Variants in NCMAP observed in about 807,000 individuals in gnomAD.
NCMAP encodes non-compact myelin associated protein, also known as noncompact myelin-associated protein.
Under a neutral mutation model 7.8 loss-of-function variants are expected in NCMAP, and 8 were observed. The observed-to-expected ratio is 1.02, with a 90% CI of 0.60 to 1.84. The LOEUF (loss-of-function observed/expected upper bound fraction) is 1.84, where lower values mean the gene tolerates loss of function less well. Ranked by LOEUF, NCMAP falls within the 40% of genes most tolerant of loss-of-function variation. The pLI, the probability that NCMAP is intolerant of heterozygous loss-of-function variation, is 0.00. For missense variants in NCMAP, 112 were observed against 131.4 expected, an observed-to-expected ratio of 0.85 and a Z score of 0.72; for synonymous variants, 41 against 52.9, an observed-to-expected ratio of 0.78 and a Z score of 0.98.
chr1:24,601,121 C>A, intron 3 of NCMAP, 97 bp downstream of exon 3: 1 of 928,712 alleles, frequency 1.1e-6, no homozygotes, highest in Non-Finnish European at 1.8e-6. Flanking sequence ...GTGTGCCTGG[C>A]AGTATCCCTC....
At chr1:24,564,521 AAAAAAAAAAAAC>A (rs1379321856) in intron 1 of NCMAP, among the ~76,000 whole-genome samples, 2 of 148,038 alleles carry the variant, frequency 1.4e-5, no homozygotes, top group Non-Finnish European at 3.0e-5. Context: ...CTCAAAAAAA[AAAAAAAAAAAAC>A]AAAAAAAAAC....
chr1:24,573,595 AAAAAG>A (rs1651450989), intron 1 of NCMAP, among the ~76,000 whole-genome samples: 1 of 145,116 alleles, frequency 6.9e-6, no homozygotes, highest in African/African-American at 2.8e-5. Flanking sequence ...CCCCCCTACA[AAAAAG>A]AAACAAAAAC....
intron 3 of NCMAP, 106 bp from the exon 4 acceptor site, chr1:24,605,500 T>C (rs1425686641): frequency 7.9e-7 from 1 of 1,262,288 alleles, no homozygotes; most frequent in Non-Finnish European, 1.1e-6. Context: ...ATTTAATGTC[T>C]ACATTAATCT....
intron 1 of NCMAP, among the ~76,000 whole-genome samples, chr1:24,578,245 CA>C (rs35145959): frequency 0.039 from 4,541 of 116,244 alleles, 93 homozygotes; most frequent in Middle Eastern, 0.13. Flanking sequence ...GACACTGTCT[CA>C]AAAAAAAAAA....
At chr1:24,594,011 C>G (rs2148935289) in intron 1 of NCMAP, among the ~76,000 whole-genome samples, 1 of 151,988 alleles carries the variant, frequency 6.6e-6, no homozygotes, top group Admixed American at 6.6e-5. Flanking sequence ...CCTGCCTCAG[C>G]CTCCCGAGTA....
intron 1 of NCMAP, among the ~76,000 whole-genome samples, chr1:24,588,084 T>C (rs915062755): frequency 7.9e-5 from 12 of 151,848 alleles, no homozygotes; most frequent in Admixed American, 5.2e-4. Context: ...CAATTTTCTT[T>C]TCCTTTTAAT....
Position 24,605,885 on chromosome 1 carries a change from G to A in NCMAP, c.*138G>A. 1 of 1,033,656 alleles carries A rather than the reference G, an allele frequency of 9.7e-7. No individual in the cohort carries two copies. The allele number at this position is 1,033,656 out of a possible 1,614,324, so 64.0% of individuals were successfully genotyped here. A position where few individuals can be genotyped will look rare whatever the true frequency, so the allele number is the denominator to read the frequency against. On this transcript the variant is annotated 3_prime_UTR_variant, in exon 4 of 4. Transcript: ENST00000374392. ...AGACATCTTTGACGCAATCTCTGAT[G>A]CTTCCAGCAATCCTCAACCTTGTCT... is the stretch of plus-strand genomic sequence containing the variant.
intron 2 of NCMAP, among the ~76,000 whole-genome samples, chr1:24,596,567 C>G (rs936954029): frequency 5.3e-5 from 8 of 151,952 alleles, no homozygotes; most frequent in African/African-American, 1.9e-4. Flanking sequence ...TCCTGGAGTC[C>G]CAGCTACACG....
intron 1 of NCMAP, among the ~76,000 whole-genome samples, chr1:24,584,138 C>T (rs1427494056): frequency 6.6e-6 from 1 of 152,188 alleles, no homozygotes; most frequent in Admixed American, 6.5e-5. Flanking sequence ...TGCCCTCCCC[C>T]CGCCCCACAG....
chr1:24,583,586 C>G (rs1237980065), intron 1 of NCMAP, among the ~76,000 whole-genome samples: 4 of 151,922 alleles, frequency 2.6e-5, no homozygotes, highest in Non-Finnish European at 5.9e-5. Flanking sequence ...TGTGGTGGCG[C>G]ACATCTGTAA....
chr1:24,577,232 G>T (rs1414481240), intron 1 of NCMAP, among the ~76,000 whole-genome samples: 1 of 152,024 alleles, frequency 6.6e-6, no homozygotes, highest in Non-Finnish European at 1.5e-5. Flanking sequence ...TTAAAATGCA[G>T]ATACTCCCAG....
chr1:24,605,566 A>G (rs1187408064), intron 3 of NCMAP, 40 bp from the exon 4 acceptor site: 1 of 1,602,858 alleles, frequency 6.2e-7, no homozygotes, highest in South Asian at 1.1e-5. Context: ...GCGGCATACC[A>G]GGGGAAAGAC....
chr1:24,594,540 G>A (rs934096939), intron 1 of NCMAP, among the ~76,000 whole-genome samples: 2 of 152,160 alleles, frequency 1.3e-5, no homozygotes, highest in African/African-American at 4.8e-5. Flanking sequence ...CTGAGACAGA[G>A]CCTGGTACAT....
Position 24,576,100 on chromosome 1 carries a change from C to T in NCMAP, c.-7-19324C>T, listed in dbSNP as rs761723269. Among the ~76,000 whole-genome samples, 3 of 152,050 alleles carry T rather than the reference C, an allele frequency of 2.0e-5. No individual in the cohort carries two copies. The highest frequency in any genetic ancestry group is 4.4e-5 in the Non-Finnish European group (3 of 68,010). On this transcript the variant is annotated intron_variant, in intron 1 of 3. Transcript: ENST00000374392. The surrounding 1 kb of genome is among the most constrained non-coding windows in gnomAD (Gnocchi z 4.0). The stretch of plus-strand genomic sequence containing the variant: ...TCCTGCCCTCCCTCGCTGTCCCCAT[C>T]CTCCACCCTCACCACTGCCACCCTG...
In NCMAP at chr1:24,569,934, TCA is replaced by T. The variant is rs1404920115; in HGVS notation, c.-8+13766_-8+13767del. On this transcript the variant is annotated intron_variant, in intron 1 of 3. Transcript: ENST00000374392. ...ACAAGTTACTTAACCTCCTTGGGCC[TCA>T]GTTTCCTCACTTAAAAAAAATTTTT... is the stretch of plus-strand genomic sequence containing the variant. Among the ~76,000 whole-genome samples, 3 of 150,324 alleles carry T rather than the reference TCA, an allele frequency of 2.0e-5. 1 individual carries two copies. The highest frequency in any genetic ancestry group is 7.6e-5 in the African/African-American group (3 of 39,710).
intron 1 of NCMAP, among the ~76,000 whole-genome samples, chr1:24,586,820 C>T (rs1378713911): frequency 6.7e-6 from 1 of 149,418 alleles, no homozygotes; most frequent in African/African-American, 2.5e-5. Flanking sequence ...TGGCCATTAA[C>T]GAGCATAAGG....
chr1:24,604,168 G>C (rs1652602883), intron 3 of NCMAP, among the ~76,000 whole-genome samples: 1 of 151,742 alleles, frequency 6.6e-6, no homozygotes, highest in Non-Finnish European at 1.5e-5. Context: ...TTGAATTAGG[G>C]ATTAAGTTTC....
At chr1:24,575,000 G>A (rs1380448654) in intron 1 of NCMAP, among the ~76,000 whole-genome samples, 1 of 151,974 alleles carries the variant, frequency 6.6e-6, no homozygotes, top group African/African-American at 2.4e-5. Context: ...ATGTTGGCCA[G>A]GCTGGTCTTG....
chr1:24,603,415 G>A (rs1652576999), intron 3 of NCMAP, among the ~76,000 whole-genome samples: 2 of 152,168 alleles, frequency 1.3e-5, no homozygotes, highest in Admixed American at 1.3e-4. Context: ...TCCCAAACCA[G>A]GAGTGGCATC....
Sources: gnomAD v4.1 joint callset for allele counts (sites outside exome capture counted in the v4.1 genomes callset) on GRCh38, gnomAD v4.1.1 for gene constraint, Gnocchi (gnomAD v3.1) non-coding constraint, MANE v1.5 for transcripts, NCBI Gene and HGNC (gene_info 2026-07-23, HGNC 2026-07-21) for gene names.